MYO18B: variants seen among roughly 807,000 people sequenced by gnomAD.
MYO18B encodes the protein myosin XVIIIB, also known as unconventional myosin-XVIIIb.
In MYO18B, 204 loss-of-function variants were observed where a neutral mutation model predicts 273.0. The ratio of observed to expected loss-of-function variants is 0.75; its 90% CI spans 0.67 to 0.84. The LOEUF (loss-of-function observed/expected upper bound fraction) is 0.84, where lower values mean the gene tolerates loss of function less well. MYO18B is among the 40% of genes least tolerant of loss of function. The pLI, the probability that MYO18B is intolerant of heterozygous loss-of-function variation, is 0.00. For synonymous variants in MYO18B, 1,330 were observed against 1,305.7 expected (o/e 1.02, Z -0.40); for missense variants, 3,212 against 3,287.6 (o/e 0.98, Z 0.56).
At chr22:26,047,015 G>C in the MYO18B span, among the ~76,000 whole-genome samples, 3 of 152,038 alleles carry the variant, frequency 2.0e-5, no homozygotes, top group African/African-American at 4.8e-5. Context: ...CGTGGTGGTT[G>C]AGCCCAAGTG....
Position 25,992,440 on chromosome 22 carries a change from C to G in MYO18B, c.6234C>G (p.Ala2078=). 1 of 1,613,986 alleles carries G rather than the reference C, an allele frequency of 6.2e-7. No homozygotes were observed. The highest frequency in any genetic ancestry group is 1.3e-5 in the African/African-American group (1 of 75,052). The part of the protein sequence containing the change: ...TDLETSIRRI[A]DLQAALEEVA... ...TGGAGACATCCATTCGGCGGATTGC[C>G]GACCTGCAGGCTGCCTTGGAAGAAG... is the stretch of plus-strand genomic sequence containing the variant. The change falls in exon 40 of 44, where the codon GCC becomes GCG. Residue 2078 remains alanine (A), a synonymous_variant. Transcript: ENST00000335473.
chr22:25,771,179 G>C (rs1460983255), intron 6 of MYO18B, among the ~76,000 whole-genome samples, 195 bp downstream of exon 6: 1 of 152,326 alleles, frequency 6.6e-6, no homozygotes, highest in African/African-American at 2.4e-5. Flanking sequence ...GGTACTATTA[G>C]GGGGTCATTC....
chr22:26,055,346 A>G, the MYO18B span, among the ~76,000 whole-genome samples: 1 of 152,134 alleles, frequency 6.6e-6, no homozygotes, highest in Non-Finnish European at 1.5e-5. Flanking sequence ...CCATTTACCA[A>G]GGTTGGAAAG....
intron 34 of MYO18B, among the ~76,000 whole-genome samples, chr22:25,937,750 T>A (rs188935710): frequency 1.0e-3 from 153 of 152,212 alleles, no homozygotes; most frequent in African/African-American, 3.3e-3. Context: ...CGCGCCTGGC[T>A]GATTTTGTAT....
At chr22:26,022,719 A>G (rs907789899) in intron 42 of MYO18B, among the ~76,000 whole-genome samples, 1 of 152,226 alleles carries the variant, frequency 6.6e-6, no homozygotes, top group Non-Finnish European at 1.5e-5. Flanking sequence ...CATTTCAGAA[A>G]GGTAGGACTC....
intron 36 of MYO18B, among the ~76,000 whole-genome samples, chr22:25,948,675 T>C (rs1485884858): frequency 6.6e-6 from 1 of 151,988 alleles, no homozygotes; most frequent in Non-Finnish European, 1.5e-5. Flanking sequence ...ATGCTAAGTA[T>C]ATTGTGGTGA....
chr22:25,987,035 A>T (rs1304125512), intron 39 of MYO18B, among the ~76,000 whole-genome samples: 1 of 152,170 alleles, frequency 6.6e-6, no homozygotes, highest in Non-Finnish European at 1.5e-5. Flanking sequence ...AAGTGTTTCG[A>T]GATAGTCTGA....
chr22:25,823,548 A>C lies in MYO18B; in HGVS notation c.2565A>C (p.Ala855=), dbSNP rs1210505834. ...TGAGGTTTGAGTGGGCAAACTACGC[A>C]GCTGAGGCCCTGGGCTGCGAGTATG... is the stretch of plus-strand genomic sequence containing the variant. ...QFMRFEWANY[A]AEALGCEYEE... is the part of the protein sequence containing the mutation. The change falls in exon 13 of 44, where the codon GCA becomes GCC. Residue 855 remains alanine (A), a synonymous_variant. Transcript: ENST00000335473. 1 of 1,613,972 alleles carries C rather than the reference A, an allele frequency of 6.2e-7. No homozygotes were observed. The highest frequency in any genetic ancestry group is 1.3e-5 in the African/African-American group (1 of 75,022).
At chr22:25,953,725 C>T (rs2092817991) in intron 38 of MYO18B, 1 of 152,118 alleles carries the variant, frequency 6.6e-6, no homozygotes, top group Non-Finnish European at 1.5e-5. Context: ...AAACTTGTGT[C>T]TAGCGTAGTG....
chr22:25,862,384 A>G (rs1452481734), intron 21 of MYO18B, among the ~76,000 whole-genome samples: 2 of 152,184 alleles, frequency 1.3e-5, no homozygotes, highest in African/African-American at 4.8e-5. Context: ...GAAGATTTTT[A>G]CATTTTCCTA....
intron 37 of MYO18B, 148 bp from the exon 38 acceptor site, chr22:25,952,138 T>C (rs1402154391): frequency 2.9e-5 from 25 of 873,566 alleles, no homozygotes; most frequent in Non-Finnish European, 2.6e-5. Flanking sequence ...CATTCTTGCT[T>C]GTGCAGACAT....
chr22:26,054,750 T>C, the MYO18B span, among the ~76,000 whole-genome samples: 2 of 152,140 alleles, frequency 1.3e-5, no homozygotes, highest in African/African-American at 4.8e-5. Context: ...GACGGTTTAA[T>C]AGAGTGGTCT....
Position 25,898,257 on chromosome 22 carries a change from G to C in MYO18B, c.4669-50G>C, listed in dbSNP as rs16980998. The C allele has an allele frequency of 2.7e-4, 429 of 1,573,224 alleles. 1 individual carries two copies. The African/African-American group carries it at 5.6e-3, about 21-fold the overall frequency. ...AACTCCTTGAAATACAAAGTAAAAAGCTCGTTCCATGCCCACAGAGCCGGG... is the reference window on the plus strand; with the variant it reads ...AACTCCTTGAAATACAAAGTAAAAACCTCGTTCCATGCCCACAGAGCCGGG... On this transcript the variant is annotated intron_variant, in intron 28 of 43. Transcript: ENST00000335473.
At position 25,769,168 on chromosome 22, in the gene MYO18B, GC is replaced by G; in HGVS notation, c.1256del (p.Pro419GlnfsTer4). On this transcript the variant is annotated frameshift_variant, in exon 4 of 44. Coordinates refer to ENST00000335473, the MANE Select transcript of MYO18B (RefSeq NM_032608.7). LOFTEE classifies it high-confidence loss of function. ...ARSQTEKGCE[A>X]PKEVSTMVES... ...GAGTCAGACAGAGAAGGGCTGTGAA[GC>G]CCCAAAGGAGGTGAGCACAATGGTG... The G allele has an allele frequency of 3.1e-6, 5 of 1,612,620 alleles. No homozygotes were observed. The highest frequency in any genetic ancestry group is 4.2e-6 in the Non-Finnish European group (5 of 1,179,390).
intron 29 of MYO18B, chr22:25,901,383 C>T (rs995848514): frequency 2.0e-5 from 3 of 152,330 alleles, no homozygotes; most frequent in South Asian, 2.1e-4. Flanking sequence ...CCTTCTCTAT[C>T]GGTTTCCTCA....
In MYO18B at chr22:25,761,012, G is replaced by A; in HGVS notation, c.-81G>A. The A allele has an allele frequency of 4.1e-6, 6 of 1,468,328 alleles. No individual in the cohort carries two copies. The highest frequency in any genetic ancestry group is 5.7e-6 in the Non-Finnish European group (6 of 1,051,196). 91.0% of individuals were successfully genotyped at this position (1,468,328 alleles called of 1,614,324 possible). ...TGTGTCCATCTCATGTGCTGCGTGT[G>A]TCTGTAAAGCCTCATTCCGTGCTGT... On this transcript the variant is annotated 5_prime_UTR_variant, in exon 2 of 44. Coordinates refer to ENST00000335473, the MANE Select transcript of MYO18B (RefSeq NM_032608.7).
rs575556076 is a variant in MYO18B, at chr22:25,768,749, G to A, written c.833G>A (p.Arg278Gln). The change falls in exon 4 of 44, where the codon CGA becomes CAA. Residue 278 changes from arginine (R) to glutamine (Q), a missense_variant. Transcript: ENST00000335473. The stretch of plus-strand genomic sequence containing the variant: ...GCCCAAGGGCCCGGCGAGGGGGTGC[G>A]ACCAGGGAAAGCAGAGAAGGAGGGA... ...PQAQGPGEGV[R>Q]PGKAEKEGAE... is the part of the protein sequence containing the mutation. 6.2e-6 allele frequency: 10 copies of A among 1,605,028 alleles called. No homozygotes were observed. In the East Asian group the frequency reaches 6.7e-5, roughly 11 times the overall value.
chr22:25,832,389 TGAGATACGCATATTAC>T (rs1203859105), intron 15 of MYO18B, among the ~76,000 whole-genome samples: 1 of 151,952 alleles, frequency 6.6e-6, no homozygotes, highest in African/African-American at 2.4e-5. Flanking sequence ...ACAAGCAAAA[TGAGATACGCATATTAC>T]GAGATACGCA....
At chr22:25,835,524 C>G in intron 17 of MYO18B, 81 bp downstream of exon 17, 1 of 1,557,094 alleles carries the variant, frequency 6.4e-7, no homozygotes, top group Admixed American at 1.7e-5. Flanking sequence ...CAGGGAAAGC[C>G]CTGACAAGGC....
Sources: allele counts gnomAD v4.1 joint callset (sites outside exome capture counted in the v4.1 genomes callset), GRCh38; gene constraint gnomAD v4.1.1; transcripts MANE v1.5; gene names NCBI Gene and HGNC (gene_info 2026-07-23, HGNC 2026-07-21).